Variants in RAP1A observed in about 807,000 individuals in gnomAD.
The protein encoded by RAP1A is RAP1A, member of RAS oncogene family, also known as ras-related protein Rap-1A.
RAP1A carries 6 observed loss-of-function variants against 26.4 expected under a neutral mutation model. The observed-to-expected ratio is 0.23, with a 90% CI of 0.12 to 0.45. The LOEUF is 0.45. RAP1A is among the 20% of genes least tolerant of loss of function. The pLI, the probability that RAP1A is intolerant of heterozygous loss-of-function variation, is 0.99. For missense variants in RAP1A, 121 were observed against 217.2 expected, an observed-to-expected ratio of 0.56 and a Z score of 2.78; for synonymous variants, 73 against 79.4, an observed-to-expected ratio of 0.92 and a Z score of 0.43.
chr1:111,609,894 T>A (rs1039398036), intron 1 of RAP1A, among the ~76,000 whole-genome samples: 3 of 152,172 alleles, frequency 2.0e-5, no homozygotes, highest in Non-Finnish European at 2.9e-5. Flanking sequence ...CCTGACCTCA[T>A]GTGATCCTCC....
At chr1:111,559,902 G>A (rs1657659519) in intron 1 of RAP1A, among the ~76,000 whole-genome samples, 1 of 152,118 alleles carries the variant, frequency 6.6e-6, no homozygotes, top group Admixed American at 6.5e-5. Context: ...TGTATGCCTT[G>A]TATTTCTGCA....
At chr1:111,673,806 C>G (rs1384711577) in intron 1 of RAP1A, among the ~76,000 whole-genome samples, 2 of 152,110 alleles carry the variant, frequency 1.3e-5, no homozygotes, top group African/African-American at 2.4e-5. Flanking sequence ...AACTTACATT[C>G]TTATTGGGAG....
intron 1 of RAP1A, among the ~76,000 whole-genome samples, chr1:111,604,210 A>G (rs1178853023): frequency 1.3e-5 from 2 of 152,250 alleles, no homozygotes; most frequent in Admixed American, 1.3e-4. Flanking sequence ...GGGCTTGTGT[A>G]GTGCTCCACA....
At chr1:111,557,171 C>T (rs967425528) in intron 1 of RAP1A, among the ~76,000 whole-genome samples, 3 of 152,124 alleles carry the variant, frequency 2.0e-5, no homozygotes, top group Non-Finnish European at 4.4e-5. Flanking sequence ...TTCAACACCA[C>T]AGTGGAAGGC....
At chr1:111,699,827 C>T (rs759859501) in intron 4 of RAP1A, among the ~76,000 whole-genome samples, 26 of 152,064 alleles carry the variant, frequency 1.7e-4, no homozygotes, top group Non-Finnish European at 3.4e-4. Context: ...TTTATCCTAA[C>T]ATCTTTTTAT....
At chr1:111,650,551 T>A in intron 1 of RAP1A, 1 of 152,204 alleles carries the variant, frequency 6.6e-6, no homozygotes, top group Non-Finnish European at 1.5e-5. Context: ...TTAATTTTTT[T>A]AGAGCAGTTT....
intron 1 of RAP1A, among the ~76,000 whole-genome samples, chr1:111,574,846 A>G (rs1008077740): frequency 6.6e-6 from 1 of 152,252 alleles, no homozygotes; most frequent in Non-Finnish European, 1.5e-5. Flanking sequence ...TGGCTCTGCT[A>G]TACTGTTTTT....
chr1:111,656,958 T>G (rs2101148855), intron 1 of RAP1A, among the ~76,000 whole-genome samples: 1 of 152,328 alleles, frequency 6.6e-6, no homozygotes, highest in Non-Finnish European at 1.5e-5. Flanking sequence ...ACTCTTTTCA[T>G]TTTGTGTAAC....
intron 2 of RAP1A, among the ~76,000 whole-genome samples, chr1:111,693,481 C>T (rs1334145153): frequency 6.6e-6 from 1 of 151,818 alleles, no homozygotes; most frequent in Non-Finnish European, 1.5e-5. Context: ...GGAGATGATC[C>T]AGTACAAAAA....
chr1:111,636,879 A>C (rs1037708164), intron 1 of RAP1A, among the ~76,000 whole-genome samples: 3 of 152,152 alleles, frequency 2.0e-5, no homozygotes, highest in Non-Finnish European at 4.4e-5. Context: ...TCAGTACATA[A>C]TTTTTTAAAT....
intron 1 of RAP1A, chr1:111,649,367 C>A: frequency 2.6e-6 from 1 of 382,194 alleles, no homozygotes; most frequent in Non-Finnish European, 5.1e-6. Flanking sequence ...GCCAGCCCCT[C>A]GGCCATCCCT....
intron 1 of RAP1A, among the ~76,000 whole-genome samples, chr1:111,676,986 G>A (rs1014596754): frequency 1.3e-5 from 2 of 152,008 alleles, no homozygotes; most frequent in Non-Finnish European, 2.9e-5. Context: ...TAGAGATGAG[G>A]TTTCACCATA....
Position 111,715,105 on chromosome 1 carries a change from G to T in RAP1A, c.*2704G>T, listed in dbSNP as rs1292633188. The T allele has an allele frequency of 7.9e-5, 12 of 151,574 alleles. No homozygotes were observed. Among genetic ancestry groups the T allele is most frequent in the African/African-American group, 2.9e-4 (12 of 41,300 alleles). The allele number at this position is 151,574 out of a possible 1,614,324, so 9.4% of individuals were successfully genotyped here. On this transcript the variant is annotated 3_prime_UTR_variant, in exon 8 of 8. Transcript: ENST00000369709. ...TAATACTTTTTTTTTTTTTGAGATGGAGTCTCGCCCTGTCGCCCAGGCTAG... is the reference window on the plus strand; with the variant it reads ...TAATACTTTTTTTTTTTTTGAGATGTAGTCTCGCCCTGTCGCCCAGGCTAG...
intron 1 of RAP1A, among the ~76,000 whole-genome samples, chr1:111,687,208 ATTTT>A (rs35277322): frequency 7.6e-6 from 1 of 131,270 alleles, no homozygotes. Flanking sequence ...ATTGAGTTGA[ATTTT>A]TTTTTTTTTT....
intron 1 of RAP1A, among the ~76,000 whole-genome samples, chr1:111,581,243 G>A (rs144522201): frequency 1.3e-3 from 195 of 152,092 alleles, no homozygotes; most frequent in African/African-American, 4.4e-3. Context: ...AAAGACTGGA[G>A]AAAATAGCAT....
intron 1 of RAP1A, among the ~76,000 whole-genome samples, chr1:111,569,220 G>A (rs1007205606): frequency 2.0e-5 from 3 of 152,022 alleles, no homozygotes; most frequent in South Asian, 2.1e-4. Context: ...GAGCAACATA[G>A]TGAAACCCTG....
At chr1:111,704,635 ATT>A in intron 6 of RAP1A, 149 bp downstream of exon 6, 1 of 889,246 alleles carries the variant, frequency 1.1e-6, no homozygotes, top group South Asian at 2.4e-5. Context: ...TGGAAACTAT[ATT>A]TTTTAGCTTG....
At chr1:111,599,007 A>T (rs1658615841) in intron 1 of RAP1A, among the ~76,000 whole-genome samples, 1 of 152,126 alleles carries the variant, frequency 6.6e-6, no homozygotes. Flanking sequence ...TATAAAGGAT[A>T]TTACCAAGCA....
chr1:111,626,595 G>A (rs1481177578), intron 1 of RAP1A, among the ~76,000 whole-genome samples: 3 of 152,236 alleles, frequency 2.0e-5, no homozygotes, highest in Admixed American at 6.5e-5. Flanking sequence ...ATGCGTAAAT[G>A]TGCATTTTTA....
Sources: allele counts gnomAD v4.1 joint callset (sites outside exome capture counted in the v4.1 genomes callset), GRCh38; gene constraint gnomAD v4.1.1; transcripts MANE v1.5; gene names NCBI Gene and HGNC (gene_info 2026-07-23, HGNC 2026-07-21).